Variants in UNC5C observed in about 807,000 individuals in gnomAD.
UNC5C encodes netrin receptor UNC5C.
A neutral mutation model predicts 99.8 loss-of-function variants in UNC5C; 47 were observed. The observed-to-expected ratio is 0.47, with a 90% CI of 0.37 to 0.60. The LOEUF (loss-of-function observed/expected upper bound fraction) is 0.60, where lower values mean the gene tolerates loss of function less well. Among genes scored for constraint, UNC5C ranks in the 20% least tolerant of loss-of-function variants. The pLI is 0.00. For missense variants in UNC5C, 1,062 were observed against 1,165.9 expected, an observed-to-expected ratio of 0.91 and a Z score of 1.30; for synonymous variants, 487 against 452.2, an observed-to-expected ratio of 1.08 and a Z score of -0.98.
intron 13 of UNC5C, among the ~76,000 whole-genome samples, 200 bp from the exon 14 acceptor site, chr4:95,183,261 C>T (rs1214859863): frequency 6.6e-6 from 1 of 152,064 alleles, no homozygotes; most frequent in African/African-American, 2.4e-5. Flanking sequence ...TACCCCAAAT[C>T]ACACAGCAAG....
At chr4:95,205,386 GTATT>G (rs942988809) in intron 11 of UNC5C, among the ~76,000 whole-genome samples, 5 of 152,076 alleles carry the variant, frequency 3.3e-5, no homozygotes, top group East Asian at 1.9e-4. Context: ...AACATAAAGT[GTATT>G]TATTTATTTA....
chr4:95,356,224 A>AAAAAAAAAAAAAAAAAAC (rs1560801873), intron 1 of UNC5C, among the ~76,000 whole-genome samples: 2 of 127,500 alleles, frequency 1.6e-5, no homozygotes, highest in Non-Finnish European at 3.2e-5. Flanking sequence ...AAAACAAAAA[A>AAAAAAAAAAAAAAAAAAC]AAAACAGATT....
chr4:95,327,304 T>C (rs1382041106), intron 2 of UNC5C, among the ~76,000 whole-genome samples: 2 of 152,082 alleles, frequency 1.3e-5, no homozygotes, highest in Admixed American at 6.6e-5. Context: ...TCCACCAATA[T>C]TTGTCCATAT....
At chr4:95,414,575 A>G (rs1578149914) in intron 1 of UNC5C, among the ~76,000 whole-genome samples, 1 of 152,358 alleles carries the variant, frequency 6.6e-6, no homozygotes, top group Non-Finnish European at 1.5e-5. Flanking sequence ...TGTATTTAAC[A>G]TGAACACAGA....
At chr4:95,270,437 A>C (rs1487303221) in intron 4 of UNC5C, among the ~76,000 whole-genome samples, 2 of 152,224 alleles carry the variant, frequency 1.3e-5, no homozygotes, top group Non-Finnish European at 2.9e-5. Flanking sequence ...AATATAGCCA[A>C]AGGATAAAAA....
At chr4:95,391,257 C>T (rs1745351958) in intron 1 of UNC5C, among the ~76,000 whole-genome samples, 1 of 152,056 alleles carries the variant, frequency 6.6e-6, no homozygotes, top group Non-Finnish European at 1.5e-5. Context: ...ACTAATAGAA[C>T]CCAGCTAACT....
intron 1 of UNC5C, among the ~76,000 whole-genome samples, chr4:95,468,814 C>A (rs1747877898): frequency 6.6e-6 from 1 of 152,028 alleles, no homozygotes; most frequent in South Asian, 2.1e-4. Flanking sequence ...CGGTGTTGAA[C>A]TTATGGGGTT....
chr4:95,351,331 C>CTT (rs34484505), intron 1 of UNC5C, among the ~76,000 whole-genome samples: 5,704 of 146,324 alleles, frequency 0.039, 330 homozygotes, highest in African/African-American at 0.13. Context: ...TAGGGTTAGG[C>CTT]TTTTTTTTTT....
rs1413690730 is a variant in UNC5C, at chr4:95,219,330, A to C, written c.1301-17T>G. ...CCAGCAGATCTGAGTCAGAAAGAGA[A>C]AATAATCCCATTGGCATTCTCCATT... On this transcript the variant is annotated splice_polypyrimidine_tract_variant and intron_variant, in intron 8 of 15. Transcript: ENST00000453304. 6.2e-7 allele frequency: 1 copy of C among 1,604,288 alleles called. No homozygotes were observed. The highest frequency in any genetic ancestry group is 8.5e-7 in the Non-Finnish European group (1 of 1,174,466).
chr4:95,296,524 A>T (rs72676405), intron 3 of UNC5C, among the ~76,000 whole-genome samples: 12,844 of 152,020 alleles, frequency 0.084, 745 homozygotes, highest in Non-Finnish European at 0.12. Flanking sequence ...ACATATAATT[A>T]TATATATATA....
chr4:95,471,071 G>A (rs1477383002), intron 1 of UNC5C, among the ~76,000 whole-genome samples: 1 of 150,212 alleles, frequency 6.7e-6, no homozygotes, highest in African/African-American at 2.5e-5. Flanking sequence ...TATCCTTCAT[G>A]CAACTTCTTA....
chr4:95,459,650 G>T (rs888302324), intron 1 of UNC5C, among the ~76,000 whole-genome samples: 9 of 152,264 alleles, frequency 5.9e-5, no homozygotes, highest in Non-Finnish European at 1.0e-4. Context: ...TGGGGCAAAA[G>T]ACTGTTTTAT....
At chr4:95,240,468 G>T (rs1192284518) in intron 7 of UNC5C, among the ~76,000 whole-genome samples, 1 of 152,140 alleles carries the variant, frequency 6.6e-6, no homozygotes, top group Non-Finnish European at 1.5e-5. Context: ...GACTGGAGTG[G>T]ATACAGGAGG....
At chr4:95,462,677 C>T (rs1179454925) in intron 1 of UNC5C, among the ~76,000 whole-genome samples, 1 of 152,150 alleles carries the variant, frequency 6.6e-6, no homozygotes, top group Non-Finnish European at 1.5e-5. Context: ...AAACTACAAC[C>T]ATCACTAGCA....
chr4:95,207,989 G>A (rs1323490253), intron 10 of UNC5C, among the ~76,000 whole-genome samples: 3 of 152,084 alleles, frequency 2.0e-5, no homozygotes, highest in Non-Finnish European at 4.4e-5. Context: ...CTTTATTACA[G>A]ACCAAACAAC....
intron 1 of UNC5C, among the ~76,000 whole-genome samples, chr4:95,486,079 A>G (rs1721320395): frequency 6.6e-6 from 1 of 151,942 alleles, no homozygotes; most frequent in Admixed American, 6.6e-5. Flanking sequence ...ATATGATTTA[A>G]TCAGCTTTGA....
At chr4:95,318,541 T>G (rs371263143) in intron 2 of UNC5C, among the ~76,000 whole-genome samples, 10 of 152,136 alleles carry the variant, frequency 6.6e-5, no homozygotes, top group African/African-American at 2.4e-4. Context: ...CTGTCTGCCA[T>G]GCAGTGTTTT....
chr4:95,443,748 C>A (rs1747017148), intron 1 of UNC5C, among the ~76,000 whole-genome samples: 1 of 152,040 alleles, frequency 6.6e-6, no homozygotes, highest in South Asian at 2.1e-4. Flanking sequence ...TTTATTTGAA[C>A]TATATATTTA....
intron 1 of UNC5C, among the ~76,000 whole-genome samples, chr4:95,400,384 C>CTTTTTTTT (rs1171870515): frequency 0.015 from 967 of 65,792 alleles, 146 homozygotes; most frequent in African/African-American, 0.02. Flanking sequence ...GAGATGAATT[C>CTTTTTTTT]TTTTTTTTTT....
Sources: allele counts gnomAD v4.1 joint callset (sites outside exome capture counted in the v4.1 genomes callset), GRCh38; gene constraint gnomAD v4.1.1; transcripts MANE v1.5; gene names NCBI Gene and HGNC (gene_info 2026-07-23, HGNC 2026-07-21).